DPP10: variants seen among roughly 807,000 people sequenced by gnomAD.
DPP10 encodes the protein inactive dipeptidyl peptidase 10.
A neutral mutation model predicts 120.9 loss-of-function variants in DPP10; 33 were observed. The observed-to-expected ratio is 0.27, with a 90% CI of 0.21 to 0.37. The LOEUF (loss-of-function observed/expected upper bound fraction) is 0.37. Ranked by LOEUF, DPP10 falls within the 10% of genes least tolerant of loss-of-function variation. DPP10 has a pLI of 1.00. For synonymous variants in DPP10, 337 were observed against 326.1 expected, an observed-to-expected ratio of 1.03 and a Z score of -0.36; for missense variants, 816 against 942.8, an observed-to-expected ratio of 0.87 and a Z score of 1.76.
At chr2:115,820,823 G>GTT (rs1687745748) in intron 21 of DPP10, among the ~76,000 whole-genome samples, 1 of 150,268 alleles carries the variant, frequency 6.7e-6, no homozygotes, top group South Asian at 2.1e-4. Context: ...GTGTGTGTGT[G>GTT]TGTGTGTGTG....
rs1278701579 is a variant in DPP10, at chr2:115,236,491, T to G, written c.61-72748T>G. Among the ~76,000 whole-genome samples, 24 of 152,214 alleles carry G rather than the reference T, an allele frequency of 1.6e-4. 1 individual carries two copies. Among genetic ancestry groups the G allele is most frequent in the Admixed American group, 1.6e-3 (24 of 15,276 alleles). ...CATTTCTGCATTAGTAATGAACTCC[T>G]TAAACAAACACTGAGGATTCTTATT... On this transcript the variant is annotated intron_variant, in intron 1 of 25. Transcript: ENST00000410059.
chr2:115,432,831 A>G (rs2071130961), intron 3 of DPP10, among the ~76,000 whole-genome samples: 1 of 151,900 alleles, frequency 6.6e-6, no homozygotes. Flanking sequence ...ATGCTGCTGA[A>G]CGTCTTCTAT....
chr2:115,729,615 TA>T (rs1575616782), intron 8 of DPP10, among the ~76,000 whole-genome samples: 1 of 152,112 alleles, frequency 6.6e-6, no homozygotes, highest in East Asian at 1.9e-4. Context: ...AAAAAATTTT[TA>T]AAAATTAGCC....
chr2:114,977,295 T>C (rs1018054995), intron 1 of DPP10, among the ~76,000 whole-genome samples: 1 of 152,170 alleles, frequency 6.6e-6, no homozygotes, highest in African/African-American at 2.4e-5. Flanking sequence ...AAAATCTCAT[T>C]CATCATTAAT....
intron 1 of DPP10, among the ~76,000 whole-genome samples, chr2:114,580,469 A>G (rs1362295685): frequency 6.6e-6 from 1 of 152,240 alleles, no homozygotes; most frequent in Non-Finnish European, 1.5e-5. Flanking sequence ...GATCAAGGCC[A>G]AGAGAGACAG....
intron 1 of DPP10, among the ~76,000 whole-genome samples, chr2:114,633,088 T>A (rs1289732894): frequency 6.6e-6 from 1 of 151,484 alleles, no homozygotes; most frequent in East Asian, 1.9e-4. Context: ...ATGTGCTTAC[T>A]GCTATTGGGA....
chr2:115,054,485 A>G (rs80074904), intron 1 of DPP10, among the ~76,000 whole-genome samples: 1,963 of 152,312 alleles, frequency 0.013, 34 homozygotes, highest in African/African-American at 0.044. Flanking sequence ...AAAAAAGTGC[A>G]CTGTTGGGTT....
chr2:115,099,346 T>TG (rs1163289508), intron 1 of DPP10, among the ~76,000 whole-genome samples: 1 of 152,000 alleles, frequency 6.6e-6, no homozygotes, highest in Admixed American at 6.5e-5. Flanking sequence ...GTTTATTATA[T>TG]GGGGGCCATG....
intron 1 of DPP10, among the ~76,000 whole-genome samples, chr2:114,565,272 T>C (rs887038406): frequency 3.3e-5 from 5 of 152,212 alleles, no homozygotes; most frequent in Middle Eastern, 3.2e-3. Flanking sequence ...CTTTTAGGCC[T>C]CAAAATGCCT....
chr2:115,252,202 G>A lies in DPP10; in HGVS notation c.61-57037G>A, dbSNP rs556999259. On this transcript the variant is annotated intron_variant, in intron 1 of 25. Transcript: ENST00000410059. Reference sequence around the variant, plus strand: ...TTAGAATCTTAGTAGATACTCTCGTGAATTTCATGACTAATTCTAATTTGT... The same window carrying A: ...TTAGAATCTTAGTAGATACTCTCGTAAATTTCATGACTAATTCTAATTTGT... Among the ~76,000 whole-genome samples the A allele has an allele frequency of 4.6e-5, 7 of 152,174 alleles. No homozygotes were observed. In the East Asian group the frequency reaches 1.4e-3, roughly 29 times the overall value.
chr2:115,528,141 A>G (rs1355511117), intron 5 of DPP10, among the ~76,000 whole-genome samples: 4 of 152,148 alleles, frequency 2.6e-5, no homozygotes, highest in African/African-American at 4.8e-5. Context: ...AGGAATTGCC[A>G]CACTGTCTTC....
chr2:114,582,119 C>T (rs557902239), intron 1 of DPP10, among the ~76,000 whole-genome samples: 4 of 152,272 alleles, frequency 2.6e-5, no homozygotes, highest in East Asian at 1.9e-4. Context: ...CCTATTTATC[C>T]CTCCTTACCC....
In DPP10 at chr2:114,755,661, C is replaced by T. The variant is rs1012531984; in HGVS notation, c.60+312823C>T. ...TGATAGAATCTGAAGATCCTATCCA[C>T]TCTTCTGAACCAAGAATGCAGAATA... On this transcript the variant is annotated intron_variant, in intron 1 of 25. Coordinates refer to ENST00000410059, the MANE Select transcript of DPP10 (RefSeq NM_020868.6). Among the ~76,000 whole-genome samples the T allele has an allele frequency of 6.6e-5, 10 of 152,136 alleles. No homozygotes were observed. In the East Asian group the frequency reaches 1.9e-3, roughly 30 times the overall value.
At chr2:115,766,724 C>A (rs1342159886) in intron 12 of DPP10, among the ~76,000 whole-genome samples, 5 of 152,046 alleles carry the variant, frequency 3.3e-5, no homozygotes, top group African/African-American at 7.3e-5. Flanking sequence ...CTAGGGAGGC[C>A]TCAGAAAGCT....
chr2:114,811,407 C>T (rs1316830329), intron 1 of DPP10, among the ~76,000 whole-genome samples: 2 of 152,094 alleles, frequency 1.3e-5, no homozygotes, highest in Non-Finnish European at 2.9e-5. Context: ...ACCTTCTTTG[C>T]CACCAACACT....
intron 1 of DPP10, among the ~76,000 whole-genome samples, chr2:115,172,243 G>T (rs1458544080): frequency 5.3e-5 from 8 of 152,104 alleles, no homozygotes. Flanking sequence ...TCTCCCCCGG[G>T]CGTGGTGGTG....
At chr2:114,797,410 G>A (rs551509252) in intron 1 of DPP10, among the ~76,000 whole-genome samples, 2 of 152,256 alleles carry the variant, frequency 1.3e-5, no homozygotes, top group East Asian at 3.9e-4. Context: ...TCTTGGGCAA[G>A]GTGCTGAACT....
At chr2:115,715,864 G>T (rs1375903205) in intron 7 of DPP10, among the ~76,000 whole-genome samples, 1 of 151,912 alleles carries the variant, frequency 6.6e-6, no homozygotes, top group Non-Finnish European at 1.5e-5. Flanking sequence ...ATTAACATTT[G>T]ACAAAAATGC....
intron 1 of DPP10, among the ~76,000 whole-genome samples, chr2:114,477,120 G>A (rs2104647354): frequency 6.6e-6 from 1 of 151,944 alleles, no homozygotes; most frequent in East Asian, 1.9e-4. Context: ...CCACCACACT[G>A]GCTAATTTTT....
Sources: gnomAD v4.1 joint callset for allele counts (sites outside exome capture counted in the v4.1 genomes callset) on GRCh38, gnomAD v4.1.1 for gene constraint, MANE v1.5 for transcripts, NCBI Gene and HGNC (gene_info 2026-07-23, HGNC 2026-07-21) for gene names.